SLC41A3: variants seen among roughly 807,000 people sequenced by gnomAD.
SLC41A3 encodes SLC41A1-like 2.
A neutral mutation model predicts 45.4 loss-of-function variants in SLC41A3; 44 were observed. That is an observed-to-expected ratio of 0.97 (90% CI 0.76 to 1.25). SLC41A3 has a LOEUF of 1.25. Ranked by LOEUF, SLC41A3 falls within the 50% of genes most tolerant of loss-of-function variation. The pLI, the probability that SLC41A3 is intolerant of heterozygous loss-of-function variation, is 0.00. For missense variants in SLC41A3, 550 were observed against 600.6 expected, an observed-to-expected ratio of 0.92 and a Z score of 0.88; for synonymous variants, 256 against 252.4, an observed-to-expected ratio of 1.01 and a Z score of -0.13.
chr3:126,050,130 C>A (rs67566088), intron 3 of SLC41A3, among the ~76,000 whole-genome samples: 26,149 of 152,152 alleles, frequency 0.17, 2,368 homozygotes, highest in Middle Eastern at 0.27. Flanking sequence ...TTAACATCCA[C>A]AGGTTCCAAG....
chr3:126,067,516 C>G, intron 2 of SLC41A3: 1 of 398,650 alleles, frequency 2.5e-6, no homozygotes, highest in Non-Finnish European at 4.9e-6. Context: ...CAGCCGTCTG[C>G]AAGCCAAGGA....
At position 126,059,311 on chromosome 3, in the gene SLC41A3, G is replaced by GAAAGAAAGA. The variant is rs1576331873; in HGVS notation, c.274-8262_274-8261insTCTTTCTTT. ...GAAAGAAAGAAAGAAAGAAAGAAAGGAAGGATGATCTGTGATAAGTGCTCT... is the reference window on the plus strand; with the variant it reads ...GAAAGAAAGAAAGAAAGAAAGAAAGGAAAGAAAGAAAGGATGATCTGTGATAAGTGCTCT... On this transcript the variant is annotated intron_variant, in intron 2 of 10. Coordinates refer to ENST00000360370, the MANE Select transcript of SLC41A3 (RefSeq NM_017836.4). 2.1e-4 allele frequency among the ~76,000 whole-genome samples: 17 copies of GAAAGAAAGA among 81,152 alleles called. 1 individual carries two copies. The highest frequency in any genetic ancestry group is 3.7e-4 in the Admixed American group (3 of 8,184). The allele number at this position is 81,152 out of a possible 152,430, so 53.2% of individuals were successfully genotyped here.
chr3:126,057,073 G>A lies in SLC41A3; in HGVS notation c.274-6023C>T, dbSNP rs1262317233. 5 of 995,098 alleles carry A rather than the reference G, an allele frequency of 5.0e-6. No homozygotes were observed. In the African/African-American group the frequency reaches 8.7e-5, roughly 17 times the overall value. 61.6% of individuals were successfully genotyped at this position (995,098 alleles called of 1,614,324 possible). The stretch of plus-strand genomic sequence containing the variant: ...TTCCCCTCCTGGCAGAGGAGGGCCT[G>A]GGGAGAGATCAGCACAGAGGGACTG... On this transcript the variant is annotated intron_variant, in intron 2 of 10. Transcript: ENST00000360370.
chr3:126,072,046 A>G (rs150617250), intron 1 of SLC41A3, among the ~76,000 whole-genome samples: 2,999 of 152,252 alleles, frequency 0.02, 98 homozygotes, highest in African/African-American at 0.068. Context: ...AAGTGCTAGG[A>G]TTACAGGCAT....
chr3:126,080,054 T>C (rs1380736863), intron 1 of SLC41A3, among the ~76,000 whole-genome samples: 2 of 152,214 alleles, frequency 1.3e-5, no homozygotes, highest in Admixed American at 6.5e-5. Context: ...TTTCTCACTA[T>C]ATTAAAAAAT....
intron 2 of SLC41A3, among the ~76,000 whole-genome samples, chr3:126,056,167 T>C (rs749296368): frequency 1.3e-5 from 2 of 152,130 alleles, no homozygotes; most frequent in Non-Finnish European, 2.9e-5. Flanking sequence ...TCTCTAATGC[T>C]GAGGTCTCAG....
chr3:126,024,935 CAT>C (rs1212470010), intron 5 of SLC41A3: 1 of 152,248 alleles, frequency 6.6e-6, no homozygotes, highest in South Asian at 2.1e-4. Context: ...ACAGTACACA[CAT>C]GTGTGAACAC....
intron 1 of SLC41A3, among the ~76,000 whole-genome samples, chr3:126,078,630 T>A (rs1025808075): frequency 6.6e-6 from 1 of 152,058 alleles, no homozygotes; most frequent in Non-Finnish European, 1.5e-5. Context: ...TGCCTTTACC[T>A]CCTTTAATCC....
At chr3:126,087,194 G>C (rs1945410799), upstream of SLC41A3, among the ~76,000 whole-genome samples, 1 of 152,046 alleles carries the variant, frequency 6.6e-6, no homozygotes, top group South Asian at 2.1e-4. Context: ...AATATGGTTG[G>C]TTTAATGAAA....
At chr3:126,027,148 C>A (rs1045100328) in intron 4 of SLC41A3, among the ~76,000 whole-genome samples, 1 of 152,200 alleles carries the variant, frequency 6.6e-6, no homozygotes, top group African/African-American at 2.4e-5. Context: ...TCTGTAGCCC[C>A]ACCAAGTCAC....
chr3:126,068,182 C>A lies in SLC41A3; in HGVS notation c.38G>T (p.Ser13Ile). ...CCCCAGCTCCCCTGGCTTGCCACAG[C>A]TGTCCAGCCTCCGCTGCCGGGTCTC... ...GTETRQRRLD[S>I]CGKPGELGLP... Residue 13 changes from serine (S) to isoleucine (I), a missense_variant, in exon 2 of 11, where the codon AGC (serine) becomes ATC (isoleucine). Ser to Ile is a moderately radical substitution (Grantham distance 142, BLOSUM62 -2). Transcript: ENST00000360370. The A allele has an allele frequency of 1.3e-6, 2 of 1,574,586 alleles. No individual in the cohort carries two copies. The highest frequency in any genetic ancestry group is 1.7e-6 in the Non-Finnish European group (2 of 1,161,424).
chr3:126,065,317 T>C (rs1381979465), intron 2 of SLC41A3, among the ~76,000 whole-genome samples: 1 of 152,236 alleles, frequency 6.6e-6, no homozygotes, highest in Admixed American at 6.5e-5. Context: ...GTTAAATTTG[T>C]GGTAATGTGG....
At chr3:126,054,638 G>A (rs1462441743) in intron 2 of SLC41A3, among the ~76,000 whole-genome samples, 1 of 144,966 alleles carries the variant, frequency 6.9e-6, no homozygotes, top group Non-Finnish European at 1.5e-5. Context: ...TCTTTTCAGG[G>A]CATCCTGGAA....
At chr3:126,029,154 G>A (rs1941601714) in intron 4 of SLC41A3, among the ~76,000 whole-genome samples, 1 of 152,218 alleles carries the variant, frequency 6.6e-6, no homozygotes, top group African/African-American at 2.4e-5. Context: ...TGTGAGAAAG[G>A]CATGAGATTT....
intron 3 of SLC41A3, among the ~76,000 whole-genome samples, chr3:126,045,226 A>C (rs982131268): frequency 6.6e-6 from 1 of 151,908 alleles, no homozygotes; most frequent in Non-Finnish European, 1.5e-5. Context: ...TAAGAAACTA[A>C]GAAAAGAGCA....
At chr3:126,023,105 CCTGA>C (rs1941048273) in intron 5 of SLC41A3, 173 bp from the exon 6 acceptor site, 2 of 842,646 alleles carry the variant, frequency 2.4e-6, no homozygotes, top group Non-Finnish European at 3.6e-6. Flanking sequence ...GCCAGGCTGC[CCTGA>C]CTTTCAGAGC....
At position 126,096,380 on chromosome 3, in the gene SLC41A3, A is replaced by AGC. The variant is rs1461136929; in HGVS notation, c.-79+5047_-79+5048dup. Among the ~76,000 whole-genome samples, 4 of 146,936 alleles carry AGC rather than the reference A, an allele frequency of 2.7e-5. No homozygotes were observed. The East Asian group carries it at 8.0e-4, about 30-fold the overall frequency. ...CAAAAAAGGGGGACATGTTGGGAAC[A>AGC]GCCCCCCCACCCCAAAAAAAAACAT... On this transcript the variant is annotated intron_variant, in intron 1 of 9. Transcript: ENST00000508835.
intron 3 of SLC41A3, among the ~76,000 whole-genome samples, chr3:126,050,212 C>T (rs1943234008): frequency 6.6e-6 from 1 of 152,178 alleles, no homozygotes; most frequent in South Asian, 2.1e-4. Context: ...GCCTCATGTT[C>T]GGCAGCCCCC....
rs1164335742 is a variant in SLC41A3 at position 126,006,700 on chromosome 3, A to G, written c.*316T>C. ...AAACACACCCTGCAAAGCATACTGG[A>G]CATGCCTCTTCTTTACCTTCTCAGG... is the stretch of plus-strand genomic sequence containing the variant. On this transcript the variant is annotated 3_prime_UTR_variant, in exon 11 of 11. Coordinates refer to ENST00000360370, the MANE Select transcript of SLC41A3 (RefSeq NM_017836.4). The G allele has an allele frequency of 1.1e-5, 16 of 1,460,078 alleles. No individual in the cohort carries two copies. The highest frequency in any genetic ancestry group is 1.4e-5 in the Non-Finnish European group (16 of 1,108,460). The allele number at this position is 1,460,078 out of a possible 1,614,324, so 90.4% of individuals were successfully genotyped here. A position where few individuals can be genotyped will look rare whatever the true frequency, so the allele number is the denominator to read the frequency against.
Sources: gnomAD v4.1 joint callset for allele counts (sites outside exome capture counted in the v4.1 genomes callset) on GRCh38, gnomAD v4.1.1 for gene constraint, MANE v1.5 for transcripts, NCBI Gene and HGNC (gene_info 2026-07-23, HGNC 2026-07-21) for gene names.